LRRC74B: variants seen among roughly 807,000 people sequenced by gnomAD.
LRRC74B encodes leucine rich repeat containing 74B.
Under a neutral mutation model 16.6 loss-of-function variants are expected in LRRC74B, and 30 were observed. That is an observed-to-expected ratio of 1.80 (90% CI 1.35 to 2.45). LRRC74B has a LOEUF of 2.45. Among genes scored for constraint, LRRC74B ranks in the 30% most tolerant of loss-of-function variants. The pLI is 0.00. For missense variants in LRRC74B, 326 were observed against 202.4 expected (o/e 1.61, Z -3.71); for synonymous variants, 134 against 86.0 (o/e 1.56, Z -3.09).
At chr22:21,062,245 C>T (rs1428185394), downstream of LRRC74B, 1 of 152,118 alleles carries the variant, frequency 6.6e-6, no homozygotes, top group Non-Finnish European at 1.5e-5. Context: ...ATGTGGATTT[C>T]TTTGGGGGGT....
intron 6 of LRRC74B, 191 bp downstream of exon 6, chr22:21,053,666 C>T: frequency 5.8e-6 from 3 of 516,656 alleles, no homozygotes; most frequent in South Asian, 5.2e-5. Flanking sequence ...CTTTATTGCC[C>T]AGGGTAGAGT....
exon 5 of LRRC74B, chr22:21,052,260 G>A (rs1042309881): frequency 1.4e-6 from 1 of 717,424 alleles, no homozygotes; most frequent in African/African-American, 1.7e-5. Flanking sequence ...GGAGACACTT[G>A]GACCAGCCCT....
At chr22:21,051,050 G>A (rs186899537) in intron 4 of LRRC74B, among the ~76,000 whole-genome samples, 325 of 151,860 alleles carry the variant, frequency 2.1e-3, no homozygotes, top group African/African-American at 7.5e-3. Context: ...CAGTCAGGAG[G>A]CTGAGGTGGG....
chr22:21,049,032 G>A (rs576907791), exon 4 of LRRC74B: 19 of 715,974 alleles, frequency 2.7e-5, no homozygotes, highest in Middle Eastern at 3.0e-4. Context: ...CAGGCCATGC[G>A]GAAGATGCAG....
At chr22:21,052,162 A>T in intron 4 of LRRC74B, 87 bp from the exon 5 acceptor site, 1 of 698,988 alleles carries the variant, frequency 1.4e-6, no homozygotes, top group South Asian at 1.5e-5. Context: ...CCTGCCCAGC[A>T]GAGGCTCGGC....
chr22:21,060,763 G>A (rs1355590458), downstream of LRRC74B, among the ~76,000 whole-genome samples: 2 of 152,094 alleles, frequency 1.3e-5, no homozygotes, highest in Non-Finnish European at 2.9e-5. Context: ...CCCCTACTAA[G>A]TACTGCACAT....
chr22:21,057,234 T>G, intron 8 of LRRC74B, 34 bp downstream of exon 8: 1 of 715,364 alleles, frequency 1.4e-6, no homozygotes, highest in Non-Finnish European at 2.6e-6. Context: ...TTTCTGATCC[T>G]CCCAGCAGCC....
chr22:21,052,123 G>T (rs1930110715), intron 4 of LRRC74B, 126 bp from the exon 5 acceptor site: 6 of 660,746 alleles, frequency 9.1e-6, no homozygotes, highest in Middle Eastern at 2.6e-4. Flanking sequence ...GGCACCGCAG[G>T]CCCACATTAG....
intron 4 of LRRC74B, among the ~76,000 whole-genome samples, chr22:21,050,389 G>C (rs1929915565): frequency 6.6e-6 from 1 of 152,104 alleles, no homozygotes; most frequent in South Asian, 2.1e-4. Context: ...AGCAAGTGGG[G>C]TGACATCAGC....
At chr22:21,053,689 TC>T in intron 6 of LRRC74B, 1 of 395,096 alleles carries the variant, frequency 2.5e-6, no homozygotes, top group Non-Finnish European at 4.5e-6. Context: ...AGTGCTGTGA[TC>T]ATGGCCCACT....
chr22:21,053,176 T>C (rs1930204841), intron 5 of LRRC74B, among the ~76,000 whole-genome samples, 184 bp from the exon 6 acceptor site: 1 of 152,170 alleles, frequency 6.6e-6, no homozygotes, highest in Admixed American at 6.5e-5. Context: ...TTGACCACCA[T>C]CATCCAAGCT....
chr22:21,052,620 G>A (rs1187860848), intron 5 of LRRC74B, among the ~76,000 whole-genome samples: 2 of 151,094 alleles, frequency 1.3e-5, no homozygotes, highest in Non-Finnish European at 3.0e-5. Flanking sequence ...ACCCAGCTGG[G>A]AAGGGACATC....
At chr22:21,048,924 T>A (rs1929720573) in intron 3 of LRRC74B, 27 bp from the exon 4 acceptor site, 1 of 711,502 alleles carries the variant, frequency 1.4e-6, no homozygotes, top group East Asian at 2.7e-5. Context: ...TGCATCCCAC[T>A]GGCCGAGGAG....
At chr22:21,057,449 A>G (rs566125953) in intron 8 of LRRC74B, among the ~76,000 whole-genome samples, 1 of 151,610 alleles carries the variant, frequency 6.6e-6, no homozygotes, top group East Asian at 2.0e-4. Context: ...CTGAGAGAGG[A>G]TAAGTGGAGG....
At chr22:21,063,190 A>G (rs938208783), downstream of LRRC74B, 1 of 152,146 alleles carries the variant, frequency 6.6e-6, no homozygotes, top group African/African-American at 2.4e-5. Flanking sequence ...TAAAAAAGAA[A>G]AAAAGGAAGA....
intron 6 of LRRC74B, among the ~76,000 whole-genome samples, chr22:21,054,175 A>G (rs1388034555): frequency 6.6e-6 from 1 of 152,130 alleles, no homozygotes; most frequent in Non-Finnish European, 1.5e-5. Context: ...GAAATCTAAA[A>G]ATTGTCCATT....
intron 4 of LRRC74B, among the ~76,000 whole-genome samples, chr22:21,050,929 C>T (rs1464734038): frequency 8.4e-6 from 1 of 118,704 alleles, no homozygotes; most frequent in Non-Finnish European, 1.6e-5. Context: ...CCAGTGGTGA[C>T]AACAAATGAT....
chr22:21,047,378 G>A (rs1233240633), exon 2 of LRRC74B: 1 of 717,372 alleles, frequency 1.4e-6, no homozygotes, highest in Non-Finnish European at 2.6e-6. Flanking sequence ...TTGGAGAACT[G>A]GTCAGGGACA....
intron 8 of LRRC74B, among the ~76,000 whole-genome samples, chr22:21,057,519 G>C (rs1601822623): frequency 1.3e-5 from 2 of 150,290 alleles, no homozygotes; most frequent in East Asian, 2.0e-4. Context: ...CACCTGCAAG[G>C]CTGCCCTCTG....
Sources: gnomAD v4.1 joint callset for allele counts (sites outside exome capture counted in the v4.1 genomes callset) on GRCh38, gnomAD v4.1.1 for gene constraint, MANE v1.5 for transcripts, NCBI Gene and HGNC (gene_info 2026-07-23, HGNC 2026-07-21) for gene names.